The following SLC6A6 variants were observed in gnomAD, a reference collection of about 807,000 sequenced individuals.
The protein encoded by SLC6A6 is solute carrier family 6 member 6.
SLC6A6 carries 16 observed loss-of-function variants against 68.8 expected under a neutral mutation model. That is an observed-to-expected ratio of 0.23 (90% confidence interval 0.16 to 0.35). The LOEUF (loss-of-function observed/expected upper bound fraction) is 0.35, where lower values mean the gene tolerates loss of function less well. SLC6A6 is among the 10% of genes least tolerant of loss of function. SLC6A6 has a pLI of 1.00. For missense variants in SLC6A6, 474 were observed against 802.8 expected, an observed-to-expected ratio of 0.59 and a Z score of 4.95; for synonymous variants, 312 against 315.4, an observed-to-expected ratio of 0.99 and a Z score of 0.12.
intron 12 of SLC6A6, 63 bp from the exon 13 acceptor site, chr3:14,479,022 G>A (rs1022015808): frequency 1.5e-5 from 15 of 1,021,962 alleles, no homozygotes; most frequent in Admixed American, 8.5e-5. Flanking sequence ...CCCACTCATG[G>A]CCCCTGAGCT....
Position 14,477,336 on chromosome 3 carries a change from G to T in SLC6A6, c.1341G>T (p.Val447=). The T allele has an allele frequency of 6.2e-7, 1 of 1,614,100 alleles. No individual in the cohort carries two copies. Among genetic ancestry groups the T allele is most frequent in the African/African-American group, 1.3e-5 (1 of 75,070 alleles). Residue 447 remains valine (V), a synonymous_variant, in exon 11 of 15, where the codon GTG becomes GTT. Transcript: ENST00000622186. The surrounding 1 kb of genome is among the most constrained non-coding windows in gnomAD (Gnocchi z 4.2). ...GCTACCTGCTGGGGCTGACGATGGT[G>T]ACGGAGGTAGGTGGCTCTCTCAGCT... ...SISYLLGLTM[V]TEGGMYVFQL... is the part of the protein sequence containing the mutation.
At chr3:14,478,788 T>C (rs1700941593) in intron 12 of SLC6A6, 1 of 597,516 alleles carries the variant, frequency 1.7e-6, no homozygotes. Context: ...TTTCAGAACT[T>C]GGTTGTGCAG....
At chr3:14,409,103 T>C (rs562477473) in intron 1 of SLC6A6, among the ~76,000 whole-genome samples, 1 of 152,356 alleles carries the variant, frequency 6.6e-6, no homozygotes, top group Non-Finnish European at 1.5e-5. Context: ...CCACCACGCC[T>C]GGCCAGTTTT....
At chr3:14,403,397 C>G (rs1484481340) in intron 1 of SLC6A6, among the ~76,000 whole-genome samples, 1 of 152,160 alleles carries the variant, frequency 6.6e-6, no homozygotes, top group African/African-American at 2.4e-5. Flanking sequence ...CAGGCCCTGG[C>G]TAGGTGCACG....
In SLC6A6 at chr3:14,487,427, C is replaced by T. The variant is rs1307245172; in HGVS notation, c.*2420C>T. The T allele has an allele frequency of 6.6e-6, 1 of 152,384 alleles. No individual in the cohort carries two copies. Among genetic ancestry groups the T allele is most frequent in the Admixed American group, 6.5e-5 (1 of 15,286 alleles). 9.4% of individuals were successfully genotyped at this position (152,384 alleles called of 1,614,324 possible). On this transcript the variant is annotated 3_prime_UTR_variant, in exon 15 of 15. Transcript: ENST00000622186. ...GAGTACCTGTGTAATAATGCTCAAC[C>T]TTCATGTCTCCGTATAAACGAAACT... is the stretch of plus-strand genomic sequence containing the variant.
At chr3:14,444,944 GC>G (rs1180321232) in intron 3 of SLC6A6, 1 of 428,868 alleles carries the variant, frequency 2.3e-6, no homozygotes, top group Non-Finnish European at 4.7e-6. Context: ...CCTACCCTCT[GC>G]CCCTTACCAC....
At chr3:14,438,244 A>G (rs549685220) in intron 2 of SLC6A6, among the ~76,000 whole-genome samples, 23 of 149,034 alleles carry the variant, frequency 1.5e-4, no homozygotes, top group African/African-American at 5.6e-4. Flanking sequence ...GCTACTATTT[A>G]TTGATCAATT....
chr3:14,478,408 A>T (rs535062392), intron 11 of SLC6A6, 58 bp from the exon 12 acceptor site: 12 of 1,011,458 alleles, frequency 1.2e-5, no homozygotes, highest in Non-Finnish European at 1.7e-5. Context: ...CTCTTTGTAT[A>T]TGAAAGAAAT....
intron 5 of SLC6A6, among the ~76,000 whole-genome samples, chr3:14,456,322 T>C (rs1289952562): frequency 1.3e-5 from 2 of 152,266 alleles, no homozygotes; most frequent in African/African-American, 2.4e-5. Context: ...TCCTGTCTTA[T>C]GGCTGTTAGT....
intron 14 of SLC6A6, among the ~76,000 whole-genome samples, chr3:14,482,812 ACCAG>A (rs1396224958): frequency 6.6e-6 from 1 of 152,138 alleles, no homozygotes; most frequent in Non-Finnish European, 1.5e-5. Flanking sequence ...CAGCACCCCA[ACCAG>A]TCTTTAGCCA....
At chr3:14,409,614 C>T (rs1466299581) in intron 1 of SLC6A6, among the ~76,000 whole-genome samples, 1 of 152,226 alleles carries the variant, frequency 6.6e-6, no homozygotes, top group East Asian at 1.9e-4. Context: ...GCCAAGAGGG[C>T]AGGGAGGAAT....
intron 1 of SLC6A6, among the ~76,000 whole-genome samples, chr3:14,404,328 T>C (rs1018864407): frequency 4.1e-5 from 6 of 147,956 alleles, no homozygotes; most frequent in Non-Finnish European, 6.0e-5. Flanking sequence ...GATTGTGGGG[T>C]GGGCATGAGG....
At chr3:14,436,531 CTTTTTTTTTTTTTTTTTTT>C (rs58996264) in intron 2 of SLC6A6, among the ~76,000 whole-genome samples, 7 of 112,578 alleles carry the variant, frequency 6.2e-5, no homozygotes, top group African/African-American at 1.6e-4. Context: ...CAACAACTCC[CTTTTTTTTTTTTTTTTTTT>C]TTTTTTTTTT....
At chr3:14,421,745 T>G (rs889810594) in intron 2 of SLC6A6, among the ~76,000 whole-genome samples, 1 of 152,168 alleles carries the variant, frequency 6.6e-6, no homozygotes, top group Non-Finnish European at 1.5e-5. Flanking sequence ...GTGAGAAAAC[T>G]GGGGCTCAGG....
At chr3:14,448,229 G>C (rs1700175381) in intron 5 of SLC6A6, 1 of 329,224 alleles carries the variant, frequency 3.0e-6, no homozygotes, top group Non-Finnish European at 4.6e-6. Flanking sequence ...AAAGTGAGTA[G>C]GTAGAGTGAA....
Position 14,458,860 on chromosome 3 carries a change from G to A in SLC6A6, c.732+778G>A, listed in dbSNP as rs1309501951. ...TTGCTGCTGATTAATATGTCACATA[G>A]TGACTAGGATGTTAGTGATTAACAA... is the stretch of plus-strand genomic sequence containing the variant. On this transcript the variant is annotated intron_variant, in intron 6 of 14. Transcript: ENST00000622186. Among the ~76,000 whole-genome samples, 49 of 152,250 alleles carry A rather than the reference G, an allele frequency of 3.2e-4. 1 individual carries two copies. Among genetic ancestry groups the A allele is most frequent in the Non-Finnish European group, 1.5e-5 (1 of 68,048 alleles).
In SLC6A6 at chr3:14,467,986, C is replaced by T. The variant is rs1700660463; in HGVS notation, c.971+30C>T. On this transcript the variant is annotated intron_variant, in intron 8 of 14. Transcript: ENST00000622186. The stretch of plus-strand genomic sequence containing the variant: ...GTGTTGCGCCGGCGGGCCTGGTGGA[C>T]TTTAGAAATGATGATGATGATGTTT... 3.1e-6 allele frequency: 5 copies of T among 1,608,756 alleles called. No individual in the cohort carries two copies. The East Asian group carries it at 1.1e-4, about 36-fold the overall frequency.
At chr3:14,434,058 C>T (rs1699795889) in intron 2 of SLC6A6, among the ~76,000 whole-genome samples, 1 of 152,224 alleles carries the variant, frequency 6.6e-6, no homozygotes, top group African/African-American at 2.4e-5. Context: ...TCACTATGTG[C>T]ACCATGGCCC....
At chr3:14,445,267 A>C (rs199929266) in intron 3 of SLC6A6, among the ~76,000 whole-genome samples, 1 of 133,772 alleles carries the variant, frequency 7.5e-6, no homozygotes, top group Non-Finnish European at 1.6e-5. Flanking sequence ...CTAAAAAACA[A>C]AAAATTAGCC....
Sources: allele counts gnomAD v4.1 joint callset (sites outside exome capture counted in the v4.1 genomes callset), GRCh38; gene constraint gnomAD v4.1.1; non-coding constraint Gnocchi (gnomAD v3.1); transcripts MANE v1.5; gene names NCBI Gene and HGNC (gene_info 2026-07-23, HGNC 2026-07-21).